Variants in NRG1 observed in about 807,000 individuals in gnomAD.
NRG1 encodes the protein pro-neuregulin-1, membrane-bound isoform.
Under a neutral mutation model 63.8 loss-of-function variants are expected in NRG1, and 18 were observed. The observed-to-expected ratio is 0.28, with a 90% confidence interval of 0.19 to 0.42. The LOEUF is 0.42. NRG1 is among the 10% of genes least tolerant of loss of function. NRG1 has a pLI of 1.00. For synonymous variants in NRG1, 302 were observed against 301.3 expected, an observed-to-expected ratio of 1.00 and a Z score of -0.02; for missense variants, 762 against 814.7, an observed-to-expected ratio of 0.94 and a Z score of 0.79.
intron 5 of NRG1, among the ~76,000 whole-genome samples, chr8:32,665,291 A>G (rs1228240813): frequency 2.0e-5 from 3 of 152,178 alleles, no homozygotes; most frequent in Non-Finnish European, 4.4e-5. Flanking sequence ...CTTTTATATT[A>G]GTGCTGCTAC....
intron 1 of NRG1, among the ~76,000 whole-genome samples, chr8:31,919,953 A>C (rs1012635052): frequency 1.3e-5 from 2 of 152,176 alleles, no homozygotes; most frequent in East Asian, 3.8e-4. Flanking sequence ...ATACTTATAA[A>C]AAACTAAATG....
In NRG1 at chr8:32,747,732, GTATA is replaced by G. The variant is rs35663919; in HGVS notation, c.691+5022_691+5025del. Among the ~76,000 whole-genome samples the G allele has an allele frequency of 7.1e-3, 944 of 132,088 alleles. 14 individuals carry two copies. Among genetic ancestry groups the G allele is most frequent in the African/African-American group, 0.026 (883 of 33,688 alleles). 86.7% of individuals were successfully genotyped at this position (132,088 alleles called of 152,430 possible). A position where few individuals can be genotyped will look rare whatever the true frequency, so the allele number is the denominator to read the frequency against. On this transcript the variant is annotated intron_variant, in intron 7 of 11. Transcript: ENST00000356819. Reference sequence around the variant, plus strand: ...TGTTTGTGTGCATATATGTGTGTGTGTATATATATATATATATATATATATACTT... The same window carrying G: ...TGTTTGTGTGCATATATGTGTGTGTGTATATATATATATATATATATACTT...
intron 1 of NRG1, among the ~76,000 whole-genome samples, chr8:32,132,070 C>A (rs1834897759): frequency 6.6e-6 from 1 of 151,878 alleles, no homozygotes; most frequent in Admixed American, 6.6e-5. Flanking sequence ...GGGCTGAAGC[C>A]ACTATGTTTT....
At chr8:31,826,693 G>C (rs2129604561) in intron 1 of NRG1, among the ~76,000 whole-genome samples, 1 of 152,322 alleles carries the variant, frequency 6.6e-6, no homozygotes, top group East Asian at 1.9e-4. Flanking sequence ...GAGGTGGCCT[G>C]GAGAATGGAG....
At chr8:32,453,213 T>C (rs2053432157) in intron 1 of NRG1, among the ~76,000 whole-genome samples, 1 of 152,068 alleles carries the variant, frequency 6.6e-6, no homozygotes, top group South Asian at 2.1e-4. Context: ...ACTTTTGCCT[T>C]AGGAAAAAAA....
At chr8:31,654,971 A>T (rs940803225) in intron 1 of NRG1, among the ~76,000 whole-genome samples, 3 of 151,966 alleles carry the variant, frequency 2.0e-5, no homozygotes, top group African/African-American at 7.3e-5. Context: ...AATTCCCTGT[A>T]TTTTTTCCAA....
At chr8:32,548,721 G>T in exon 1 of NRG1, 1 of 1,575,716 alleles carries the variant, frequency 6.3e-7, no homozygotes, top group South Asian at 1.2e-5. Context: ...CTCCGTCTCC[G>T]GCGAGATGTC....
chr8:32,241,775 C>T (rs1387718646), intron 1 of NRG1, among the ~76,000 whole-genome samples: 8 of 149,248 alleles, frequency 5.4e-5, no homozygotes, highest in East Asian at 3.9e-4. Context: ...TTTTTTGAGA[C>T]GGCGTCTTGC....
chr8:31,781,734 T>G (rs951293655), intron 1 of NRG1, among the ~76,000 whole-genome samples: 1 of 152,138 alleles, frequency 6.6e-6, no homozygotes, highest in Non-Finnish European at 1.5e-5. Flanking sequence ...TAACTCCAGT[T>G]TAGTATGTTT....
chr8:31,724,462 A>G (rs1585940959), intron 1 of NRG1, among the ~76,000 whole-genome samples: 1 of 152,124 alleles, frequency 6.6e-6, no homozygotes, highest in East Asian at 1.9e-4. Flanking sequence ...TTCTTCTTTG[A>G]GTGGCAAGTG....
intron 1 of NRG1, among the ~76,000 whole-genome samples, chr8:32,251,229 C>T (rs1039487787): frequency 6.6e-6 from 1 of 151,980 alleles, no homozygotes; most frequent in African/African-American, 2.4e-5. Flanking sequence ...CACAACAGGC[C>T]CTGGTGTGTG....
chr8:32,581,820 C>T (rs1840694633), intron 1 of NRG1, among the ~76,000 whole-genome samples: 1 of 152,144 alleles, frequency 6.6e-6, no homozygotes, highest in Non-Finnish European at 1.5e-5. Flanking sequence ...TAATACATAG[C>T]TTTGCTATAT....
intron 1 of NRG1, among the ~76,000 whole-genome samples, chr8:32,551,354 C>CTTAA (rs568000134): frequency 1.6e-3 from 249 of 152,320 alleles, no homozygotes; most frequent in African/African-American, 5.8e-3. Flanking sequence ...ACAGCCACTG[C>CTTAA]AACTGTCTGT....
At chr8:31,828,037 A>G (rs531851419) in intron 1 of NRG1, among the ~76,000 whole-genome samples, 2 of 152,356 alleles carry the variant, frequency 1.3e-5, no homozygotes, top group African/African-American at 4.8e-5. Context: ...GCACTGAATA[A>G]TTTGAGCCTG....
chr8:31,881,446 C>A (rs1289851750), intron 1 of NRG1, among the ~76,000 whole-genome samples: 1 of 152,170 alleles, frequency 6.6e-6, no homozygotes, highest in Non-Finnish European at 1.5e-5. Context: ...CTCCTTAGGC[C>A]TCCCTATTCC....
chr8:31,863,401 T>A (rs1828652006), intron 1 of NRG1, among the ~76,000 whole-genome samples: 1 of 152,200 alleles, frequency 6.6e-6, no homozygotes, highest in East Asian at 1.9e-4. Context: ...TAAAACTGTT[T>A]TGTTTAATGT....
At chr8:32,098,346 G>C (rs752370185) in intron 1 of NRG1, among the ~76,000 whole-genome samples, 2 of 152,176 alleles carry the variant, frequency 1.3e-5, no homozygotes, top group Non-Finnish European at 1.5e-5. Context: ...CATATGATGT[G>C]CCTGGCACGC....
intron 1 of NRG1, among the ~76,000 whole-genome samples, chr8:31,955,408 A>C (rs1257650026): frequency 6.6e-6 from 1 of 152,212 alleles, no homozygotes; most frequent in Non-Finnish European, 1.5e-5. Context: ...GTGAATGTAC[A>C]GTTTCAGAAT....
intron 1 of NRG1, among the ~76,000 whole-genome samples, chr8:32,343,678 G>C (rs1449387460): frequency 6.6e-6 from 1 of 152,188 alleles, no homozygotes; most frequent in Non-Finnish European, 1.5e-5. Context: ...TAATGAATCA[G>C]AGGCTTTTAT....
Sources: gnomAD v4.1 joint callset for allele counts (sites outside exome capture counted in the v4.1 genomes callset) on GRCh38, gnomAD v4.1.1 for gene constraint, MANE v1.5 for transcripts, NCBI Gene and HGNC (gene_info 2026-07-23, HGNC 2026-07-21) for gene names.